Variants in CTNND2 observed in about 807,000 individuals in gnomAD.
CTNND2 encodes catenin delta 2.
In CTNND2, 22 loss-of-function variants were observed where a neutral mutation model predicts 144.4. The ratio of observed to expected loss-of-function variants is 0.15; its 90% CI spans 0.11 to 0.22. CTNND2 has a LOEUF of 0.22. Ranked by LOEUF, CTNND2 falls within the 10% of genes least tolerant of loss-of-function variation. The pLI is 1.00. For synonymous variants in CTNND2, 751 were observed against 695.6 expected, an observed-to-expected ratio of 1.08 and a Z score of -1.25; for missense variants, 1,353 against 1,618.8, an observed-to-expected ratio of 0.84 and a Z score of 2.82.
intron 1 of CTNND2, among the ~76,000 whole-genome samples, chr5:11,748,660 G>A (rs1252862282): frequency 4.6e-5 from 7 of 151,922 alleles, no homozygotes; most frequent in Non-Finnish European, 7.4e-5. Context: ...AAGACTCTCA[G>A]ATATTGTTCC....
At chr5:11,465,949 C>T (rs1766630673) in intron 3 of CTNND2, among the ~76,000 whole-genome samples, 1 of 152,148 alleles carries the variant, frequency 6.6e-6, no homozygotes, top group Non-Finnish European at 1.5e-5. Context: ...TTTATGGAAA[C>T]AGACCAGTGG....
chr5:11,126,975 A>T (rs1168217893), intron 12 of CTNND2, among the ~76,000 whole-genome samples: 1 of 152,256 alleles, frequency 6.6e-6, no homozygotes, highest in Non-Finnish European at 1.5e-5. Flanking sequence ...CTTAAAGTAC[A>T]GGCACAGGTT....
intron 12 of CTNND2, among the ~76,000 whole-genome samples, chr5:11,118,311 G>A (rs1478839999): frequency 6.6e-6 from 1 of 152,188 alleles, no homozygotes; most frequent in East Asian, 1.9e-4. Context: ...CCCACAGTTA[G>A]CATATGGTTC....
chr5:11,605,027 T>C (rs1444246657), intron 2 of CTNND2, among the ~76,000 whole-genome samples: 3 of 152,208 alleles, frequency 2.0e-5, no homozygotes, highest in Non-Finnish European at 1.5e-5. Context: ...TTGGAGAGGT[T>C]GCTGAACTCA....
chr5:11,448,787 G>A (rs1352783072), intron 3 of CTNND2, among the ~76,000 whole-genome samples: 4 of 152,056 alleles, frequency 2.6e-5, no homozygotes, highest in African/African-American at 4.8e-5. Flanking sequence ...TTCCACCTCA[G>A]CCTCCCAAAA....
Position 11,556,319 on chromosome 5 carries a change from ATTAT to A in CTNND2, c.287+8621_287+8624del, listed in dbSNP as rs538549250. On this transcript the variant is annotated intron_variant, in intron 3 of 21. Transcript: ENST00000304623. ...CAAAAATAAATATTTTGGCAAATTG[ATTAT>A]TTATTTAAGCAAGAATAAATCAAAT... 1.2e-4 allele frequency among the ~76,000 whole-genome samples: 19 copies of A among 152,268 alleles called. No individual in the cohort carries two copies. The South Asian group carries it at 2.9e-3, about 23-fold the overall frequency.
intron 3 of CTNND2, among the ~76,000 whole-genome samples, chr5:11,491,107 T>C (rs978339462): frequency 6.6e-6 from 1 of 152,210 alleles, no homozygotes; most frequent in Non-Finnish European, 1.5e-5. Flanking sequence ...TCCAGATTTT[T>C]GAAAACACAG....
intron 1 of CTNND2, among the ~76,000 whole-genome samples, chr5:11,875,670 A>G (rs532583061): frequency 1.3e-5 from 2 of 152,328 alleles, no homozygotes; most frequent in South Asian, 2.1e-4. Context: ...TCTGCAAGCC[A>G]TCAAGAACCC....
chr5:11,133,405 T>C (rs1272334991), intron 12 of CTNND2, among the ~76,000 whole-genome samples: 2 of 152,092 alleles, frequency 1.3e-5, no homozygotes, highest in African/African-American at 4.8e-5. Flanking sequence ...CAGGCTGGAG[T>C]GCAATGATGC....
chr5:11,623,087 G>A (rs1413356243), intron 2 of CTNND2, among the ~76,000 whole-genome samples: 1 of 152,138 alleles, frequency 6.6e-6, no homozygotes, highest in Non-Finnish European at 1.5e-5. Flanking sequence ...TATTTTTCCA[G>A]CAGAAATAGT....
chr5:11,026,612 C>T (rs1382085351), intron 16 of CTNND2, among the ~76,000 whole-genome samples: 2 of 152,140 alleles, frequency 1.3e-5, no homozygotes, highest in Non-Finnish European at 1.5e-5. Flanking sequence ...CTGCCTCTGC[C>T]TCCCAAAGTG....
At chr5:11,383,291 G>A (rs545077456) in intron 7 of CTNND2, among the ~76,000 whole-genome samples, 91 of 152,170 alleles carry the variant, frequency 6.0e-4, no homozygotes, top group African/African-American at 2.1e-3. Context: ...AGTCTCGTAA[G>A]AACTCCACCC....
chr5:11,710,886 T>C lies in CTNND2; in HGVS notation c.174+21250A>G, dbSNP rs1176467441. On this transcript the variant is annotated intron_variant, in intron 2 of 21. Transcript: ENST00000304623. ...TTTGTCATAGCAAAACAAAATACCATGCAATCTGATCCTTTGCCTATTCAG... is the reference window on the plus strand; with the variant it reads ...TTTGTCATAGCAAAACAAAATACCACGCAATCTGATCCTTTGCCTATTCAG... 2.0e-5 allele frequency among the ~76,000 whole-genome samples: 3 copies of C among 152,186 alleles called. No individual in the cohort carries two copies. In the East Asian group the frequency reaches 5.8e-4, roughly 29 times the overall value.
At chr5:11,079,777 T>C (rs1433598677) in intron 16 of CTNND2, among the ~76,000 whole-genome samples, 1 of 152,172 alleles carries the variant, frequency 6.6e-6, no homozygotes, top group Non-Finnish European at 1.5e-5. Context: ...CTAAACTGGA[T>C]ATCCACATAT....
At chr5:11,430,079 G>A (rs1763144811) in intron 3 of CTNND2, among the ~76,000 whole-genome samples, 1 of 151,612 alleles carries the variant, frequency 6.6e-6, no homozygotes, top group Non-Finnish European at 1.5e-5. Flanking sequence ...GTGAAAACTA[G>A]TCTCTACTAA....
At chr5:11,359,340 T>C (rs1756213265) in intron 8 of CTNND2, among the ~76,000 whole-genome samples, 1 of 152,156 alleles carries the variant, frequency 6.6e-6, no homozygotes, top group Admixed American at 6.5e-5. Context: ...TAAAAGTAAG[T>C]CTGTCATTTC....
chr5:11,468,618 C>T lies in CTNND2; in HGVS notation c.288-56549G>A, dbSNP rs557309578. Reference sequence around the variant, plus strand: ...CAATACTGCAGATACTCAAACCCTCCTGCGAGGCTTTAACGTTAATGACTA... The same window carrying T: ...CAATACTGCAGATACTCAAACCCTCTTGCGAGGCTTTAACGTTAATGACTA... On this transcript the variant is annotated intron_variant, in intron 3 of 21. Transcript: ENST00000304623. Among the ~76,000 whole-genome samples the T allele has an allele frequency of 2.6e-5, 4 of 152,294 alleles. No individual in the cohort carries two copies. The East Asian group carries it at 5.8e-4, about 22-fold the overall frequency.
intron 7 of CTNND2, among the ~76,000 whole-genome samples, chr5:11,372,370 G>A (rs1757542019): frequency 6.6e-6 from 1 of 152,164 alleles, no homozygotes; most frequent in Non-Finnish European, 1.5e-5. Flanking sequence ...TTTTGTAACA[G>A]GCAGGCATCT....
intron 21 of CTNND2, among the ~76,000 whole-genome samples, chr5:10,977,844 T>C (rs1031161882): frequency 6.6e-6 from 1 of 152,212 alleles, no homozygotes; most frequent in Non-Finnish European, 1.5e-5. Flanking sequence ...GATTGTTTCT[T>C]CTAGGAGGCT....
Sources: gnomAD v4.1 joint callset for allele counts (sites outside exome capture counted in the v4.1 genomes callset) on GRCh38, gnomAD v4.1.1 for gene constraint, MANE v1.5 for transcripts, NCBI Gene and HGNC (gene_info 2026-07-23, HGNC 2026-07-21) for gene names.